Variants in CNTN4 observed in about 807,000 individuals in gnomAD.
CNTN4 encodes contactin-4.
In CNTN4, 77 loss-of-function variants were observed where a neutral mutation model predicts 122.5. The ratio of observed to expected loss-of-function variants is 0.63; its 90% CI spans 0.52 to 0.76. The LOEUF is 0.76. Among genes scored for constraint, CNTN4 ranks in the 30% least tolerant of loss-of-function variants. The pLI is 0.00. For synonymous variants in CNTN4, 512 were observed against 447.0 expected (o/e 1.15, Z -1.83); for missense variants, 1,256 against 1,259.1 (o/e 1.00, Z 0.04).
intron 3 of CNTN4, among the ~76,000 whole-genome samples, chr3:2,502,823 A>C (rs1315179550): frequency 6.6e-6 from 1 of 152,114 alleles, no homozygotes; most frequent in Non-Finnish European, 1.5e-5. Flanking sequence ...CCTGACTCTG[A>C]CACAAAAGTT....
chr3:2,835,200 C>T (rs1017509706), intron 7 of CNTN4, among the ~76,000 whole-genome samples: 8 of 151,986 alleles, frequency 5.3e-5, no homozygotes, highest in East Asian at 1.9e-4. Context: ...CCACCTCGCC[C>T]GGCAGATAAA....
At chr3:2,913,116 C>T (rs2094318927) in intron 12 of CNTN4, among the ~76,000 whole-genome samples, 1 of 152,152 alleles carries the variant, frequency 6.6e-6, no homozygotes, top group South Asian at 2.1e-4. Flanking sequence ...CACACCACTG[C>T]ACTCCAGCCT....
intron 3 of CNTN4, among the ~76,000 whole-genome samples, chr3:2,389,433 T>C (rs7373598): frequency 0.41 from 62,390 of 151,518 alleles, 13,170 homozygotes; most frequent in East Asian, 0.67. Flanking sequence ...GTGTAACTCT[T>C]CAGAGAGGCC....
chr3:2,417,955 A>C (rs1488690142), intron 3 of CNTN4, among the ~76,000 whole-genome samples: 1 of 152,202 alleles, frequency 6.6e-6, no homozygotes, highest in Non-Finnish European at 1.5e-5. Flanking sequence ...GGGAAGAGTA[A>C]AAAGATCCGT....
intron 13 of CNTN4, among the ~76,000 whole-genome samples, chr3:2,963,148 C>T (rs753182345): frequency 6.6e-6 from 1 of 152,106 alleles, no homozygotes; most frequent in Non-Finnish European, 1.5e-5. Context: ...ATTTTCTCAC[C>T]GTTTCTCTAG....
At chr3:2,347,228 C>G (rs60838445) in intron 3 of CNTN4, among the ~76,000 whole-genome samples, 1,982 of 152,132 alleles carry the variant, frequency 0.013, 38 homozygotes, top group African/African-American at 0.044. Context: ...TGAAAGTTAA[C>G]AGGGGAGCTC....
chr3:2,872,926 C>T (rs577869490), intron 8 of CNTN4, among the ~76,000 whole-genome samples: 30 of 152,304 alleles, frequency 2.0e-4, no homozygotes, highest in African/African-American at 7.0e-4. Context: ...CCCAAGTCCT[C>T]ACTCATTTTT....
intron 4 of CNTN4, among the ~76,000 whole-genome samples, chr3:2,667,906 A>G (rs1001794318): frequency 1.3e-5 from 2 of 152,002 alleles, no homozygotes; most frequent in Non-Finnish European, 2.9e-5. Flanking sequence ...AGTTATAGAT[A>G]TGTGGCATTA....
At chr3:2,591,139 C>T (rs932988093) in intron 4 of CNTN4, among the ~76,000 whole-genome samples, 1 of 152,110 alleles carries the variant, frequency 6.6e-6, no homozygotes, top group African/African-American at 2.4e-5. Flanking sequence ...GTGCATCTCA[C>T]CATCTAGACT....
intron 2 of CNTN4, among the ~76,000 whole-genome samples, chr3:2,268,604 A>AGGTCCTAGTTAATGTGATATATCTCT (rs2041148563): frequency 1.3e-5 from 2 of 151,906 alleles, no homozygotes; most frequent in Non-Finnish European, 2.9e-5. Flanking sequence ...AGGATAGACT[A>AGGTCCTAGTTAATGTGATATATCTCT]GGTCCTAGTT....
chr3:2,659,008 A>G (rs2083741162), intron 4 of CNTN4, among the ~76,000 whole-genome samples: 1 of 144,794 alleles, frequency 6.9e-6, no homozygotes, highest in Non-Finnish European at 1.5e-5. Context: ...ACACACACAC[A>G]CAGAACTAAC....
At position 3,056,126 on chromosome 3, in the gene CNTN4, A is replaced by G. The variant is rs1041204194; in HGVS notation, c.2987A>G (p.Tyr996Cys). Residue 996 changes from tyrosine (Y) to cysteine (C), a missense_variant, in exon 25 of 25, where the codon TAC (tyrosine) becomes TGC (cysteine). Physicochemically the swap from Tyr to Cys is radical, Grantham distance 194. Coordinates refer to ENST00000418658, the MANE Select transcript of CNTN4 (RefSeq NM_175607.3). Reference sequence around the variant, plus strand: ...ATTTGTTCTCTCTTTTCAGATGCCTACGCGAGAGGATCTGGGGCTTCCACT... The same window carrying G: ...ATTTGTTCTCTCTTTTCAGATGCCTGCGCGAGAGGATCTGGGGCTTCCACT... ...QIRIPKISNAYARGSGASTSN... is the reference protein window; with the variant it reads ...QIRIPKISNACARGSGASTSN... The G allele has an allele frequency of 6.2e-7, 1 of 1,613,574 alleles. No individual in the cohort carries two copies. The highest frequency in any genetic ancestry group is 1.3e-5 in the African/African-American group (1 of 74,902).
chr3:2,109,287 T>A (rs1397982957), intron 2 of CNTN4, among the ~76,000 whole-genome samples: 1 of 152,260 alleles, frequency 6.6e-6, no homozygotes, highest in East Asian at 1.9e-4. Context: ...GGGACCAAAA[T>A]GCAAATATTT....
intron 3 of CNTN4, among the ~76,000 whole-genome samples, chr3:2,426,559 T>C (rs1046342953): frequency 6.6e-6 from 1 of 152,196 alleles, no homozygotes; most frequent in Non-Finnish European, 1.5e-5. Context: ...TGCCAAGCTT[T>C]GGTATCAGGA....
chr3:2,918,941 C>A (rs1218631137), intron 12 of CNTN4, among the ~76,000 whole-genome samples: 2 of 152,184 alleles, frequency 1.3e-5, no homozygotes, highest in Non-Finnish European at 2.9e-5. Context: ...TGATTTCTTT[C>A]CTGCAACATA....
chr3:2,778,210 T>C (rs1169410298), intron 6 of CNTN4, among the ~76,000 whole-genome samples: 1 of 81,688 alleles, frequency 1.2e-5, no homozygotes, highest in East Asian at 4.3e-4. Context: ...CGAGACTCCG[T>C]CTCAAATAAA....
intron 10 of CNTN4, among the ~76,000 whole-genome samples, chr3:2,894,746 G>A (rs1373758109): frequency 2.0e-5 from 3 of 152,152 alleles, no homozygotes; most frequent in Non-Finnish European, 4.4e-5. Flanking sequence ...ATCTGTGTAA[G>A]GTTAGAGTCA....
chr3:2,190,625 A>G (rs2037485803), intron 2 of CNTN4, among the ~76,000 whole-genome samples: 1 of 151,920 alleles, frequency 6.6e-6, no homozygotes, highest in Non-Finnish European at 1.5e-5. Context: ...CATGGGTGGT[A>G]GGTGGGAGGG....
chr3:2,178,061 T>C (rs2036836195), intron 2 of CNTN4, among the ~76,000 whole-genome samples: 1 of 152,104 alleles, frequency 6.6e-6, no homozygotes, highest in African/African-American at 2.4e-5. Context: ...ATTCACTTCA[T>C]CCTGGAATGG....
Sources: allele counts gnomAD v4.1 joint callset (sites outside exome capture counted in the v4.1 genomes callset), GRCh38; gene constraint gnomAD v4.1.1; transcripts MANE v1.5; gene names NCBI Gene and HGNC (gene_info 2026-07-23, HGNC 2026-07-21).